Variants in C1orf21 observed in about 807,000 individuals in gnomAD.
C1orf21 encodes the protein chromosome 1 open reading frame 21, also known as uncharacterized protein C1orf21.
C1orf21 carries 3 observed loss-of-function variants against 18.7 expected under a neutral mutation model. The observed-to-expected ratio is 0.16, with a 90% confidence interval of 0.07 to 0.42. The LOEUF is 0.42. Ranked by LOEUF, C1orf21 falls within the 10% of genes least tolerant of loss-of-function variation. C1orf21 has a pLI of 0.99. For missense variants in C1orf21, 104 were observed against 143.6 expected, an observed-to-expected ratio of 0.72 and a Z score of 1.41; for synonymous variants, 41 against 46.4, an observed-to-expected ratio of 0.88 and a Z score of 0.47.
intron 1 of C1orf21, chr1:184,408,342 C>T (rs1219092292): frequency 1.3e-5 from 2 of 152,128 alleles, no homozygotes; most frequent in Non-Finnish European, 2.9e-5. Context: ...GGTTTATTTG[C>T]AAATCAAACA....
chr1:184,545,171 C>T (rs1176226240), intron 3 of C1orf21, among the ~76,000 whole-genome samples: 1 of 152,070 alleles, frequency 6.6e-6, no homozygotes, highest in East Asian at 1.9e-4. Flanking sequence ...GTCTTCCTAC[C>T]CCATGAGGCT....
intron 2 of C1orf21, among the ~76,000 whole-genome samples, chr1:184,481,393 G>A (rs1238482353): frequency 6.6e-6 from 1 of 152,062 alleles, no homozygotes; most frequent in Non-Finnish European, 1.5e-5. Flanking sequence ...GATACATATG[G>A]TGCCTCTGAA....
At chr1:184,535,624 A>G (rs1243836471) in intron 3 of C1orf21, among the ~76,000 whole-genome samples, 1 of 152,228 alleles carries the variant, frequency 6.6e-6, no homozygotes, top group Non-Finnish European at 1.5e-5. Flanking sequence ...GAAAAAGTTA[A>G]CTAAAAGCAA....
At chr1:184,400,183 A>AT in intron 1 of C1orf21, among the ~76,000 whole-genome samples, 1 of 152,228 alleles carries the variant, frequency 6.6e-6, no homozygotes, top group South Asian at 2.1e-4. Flanking sequence ...TTTTGATAAC[A>AT]TTTTTACTTT....
intron 1 of C1orf21, among the ~76,000 whole-genome samples, chr1:184,402,479 C>G (rs892408325): frequency 1.3e-5 from 2 of 152,014 alleles, no homozygotes; most frequent in African/African-American, 4.8e-5. Context: ...ATAAACTTAG[C>G]TGGGCATAGT....
At chr1:184,457,609 A>G (rs1054955640) in intron 1 of C1orf21, among the ~76,000 whole-genome samples, 3 of 152,054 alleles carry the variant, frequency 2.0e-5, no homozygotes, top group African/African-American at 7.2e-5. Flanking sequence ...TCTGTACTGC[A>G]TTTTCCAGAC....
intron 3 of C1orf21, chr1:184,566,792 G>A: frequency 2.3e-6 from 1 of 439,276 alleles, no homozygotes; most frequent in Admixed American, 2.6e-5. Context: ...TCTGGAGGCT[G>A]AGCTATGAAC....
intron 4 of C1orf21, among the ~76,000 whole-genome samples, chr1:184,591,578 G>A (rs914695943): frequency 3.3e-5 from 5 of 152,048 alleles, no homozygotes; most frequent in African/African-American, 1.2e-4. Flanking sequence ...AGGCCAAGGC[G>A]GGAGGATCAC....
intron 3 of C1orf21, among the ~76,000 whole-genome samples, chr1:184,579,379 GTTTTTTTTTTTTTTT>G (rs201010891): frequency 7.0e-5 from 5 of 71,444 alleles, no homozygotes; most frequent in South Asian, 1.2e-3. Flanking sequence ...TATAAGCTGG[GTTTTTTTTTTTTTTT>G]TTTTTTTTTT....
chr1:184,567,582 G>T (rs372603373), intron 3 of C1orf21: 1 of 468,256 alleles, frequency 2.1e-6, no homozygotes, highest in Non-Finnish European at 4.3e-6. Context: ...CAGCTACATC[G>T]CAGGTCCTTG....
intron 1 of C1orf21, among the ~76,000 whole-genome samples, chr1:184,389,902 C>T (rs565844817): frequency 4.6e-5 from 7 of 152,170 alleles, no homozygotes; most frequent in African/African-American, 1.4e-4. Flanking sequence ...ATATGACTGT[C>T]TTCATTTGAA....
At chr1:184,388,745 T>C (rs1056143960) in intron 1 of C1orf21, among the ~76,000 whole-genome samples, 4 of 152,134 alleles carry the variant, frequency 2.6e-5, no homozygotes, top group Non-Finnish European at 5.9e-5. Flanking sequence ...TTCTGCCTAA[T>C]AGGAATAACC....
chr1:184,441,050 G>A (rs1278432561), intron 1 of C1orf21, among the ~76,000 whole-genome samples: 5 of 152,166 alleles, frequency 3.3e-5, no homozygotes, highest in African/African-American at 1.2e-4. Context: ...TTTTGGAGAG[G>A]CATCACGGGA....
chr1:184,510,658 T>C (rs1658130216), intron 3 of C1orf21, among the ~76,000 whole-genome samples: 4 of 152,074 alleles, frequency 2.6e-5, no homozygotes, highest in Admixed American at 2.0e-4. Flanking sequence ...GAGGAGTAGG[T>C]GTCAGTAGGG....
chr1:184,409,067 TC>T (rs1358162650), intron 1 of C1orf21, among the ~76,000 whole-genome samples: 1 of 152,176 alleles, frequency 6.6e-6, no homozygotes, highest in Non-Finnish European at 1.5e-5. Flanking sequence ...TTCCAACACT[TC>T]CGTTTCCTAT....
rs1315579956 is a variant in C1orf21 at position 184,477,592 on chromosome 1, A to G, written c.83A>G (p.Asp28Gly). Residue 28 changes from aspartate (D) to glycine (G), a missense_variant, in exon 2 of 6, where the codon GAT becomes GGT. Asp to Gly is a moderately conservative substitution (Grantham distance 94). Coordinates refer to ENST00000235307, the MANE Select transcript of C1orf21 (RefSeq NM_030806.4). ...AAAGGGAAAAACTACCAGAACGGAG[A>G]TGTGTTTGGCGGTGAGTCCTATCAA... ...AQKGKNYQNG[D>G]VFGDEYRIKP... 3.1e-6 allele frequency: 5 copies of G among 1,613,808 alleles called. No individual in the cohort carries two copies. The South Asian group carries it at 5.5e-5, about 18-fold the overall frequency.
At chr1:184,420,615 T>A (rs183272977) in intron 1 of C1orf21, among the ~76,000 whole-genome samples, 1 of 152,322 alleles carries the variant, frequency 6.6e-6, no homozygotes, top group East Asian at 1.9e-4. Context: ...TTTTCATTTT[T>A]AACTCCCAGT....
chr1:184,586,714 T>C (rs146841114), intron 3 of C1orf21, among the ~76,000 whole-genome samples: 496 of 152,350 alleles, frequency 3.3e-3, no homozygotes, highest in African/African-American at 0.011. Context: ...CTGTAGGTTG[T>C]CTGTTCACTC....
In C1orf21 at chr1:184,519,570, T is replaced by G. The variant is rs527921875; in HGVS notation, c.189+11888T>G. 3.5e-4 allele frequency among the ~76,000 whole-genome samples: 53 copies of G among 152,260 alleles called. 1 individual carries two copies. Among genetic ancestry groups the G allele is most frequent in the Non-Finnish European group, 1.0e-4 (7 of 68,004 alleles). On this transcript the variant is annotated intron_variant, in intron 3 of 5. Transcript: ENST00000235307. Reference sequence around the variant, plus strand: ...ATGAGTGACAATTGAGAGGGCCACCTTTAAGGCTGGGCCACTGTTACTAGA... The same window carrying G: ...ATGAGTGACAATTGAGAGGGCCACCGTTAAGGCTGGGCCACTGTTACTAGA...
Sources: allele counts gnomAD v4.1 joint callset (sites outside exome capture counted in the v4.1 genomes callset), GRCh38; gene constraint gnomAD v4.1.1; transcripts MANE v1.5; gene names NCBI Gene and HGNC (gene_info 2026-07-23, HGNC 2026-07-21).